RPS6KC1: variants seen among roughly 807,000 people sequenced by gnomAD.
RPS6KC1 encodes inactive ribosomal protein S6 kinase delta-1.
RPS6KC1 carries 54 observed loss-of-function variants against 103.8 expected under a neutral mutation model. The ratio of observed to expected loss-of-function variants is 0.52; its 90% CI spans 0.42 to 0.65. The LOEUF (loss-of-function observed/expected upper bound fraction) is 0.65, where lower values mean the gene tolerates loss of function less well. RPS6KC1 is among the 30% of genes least tolerant of loss of function. RPS6KC1 has a pLI of 0.00. For synonymous variants in RPS6KC1, 439 were observed against 438.7 expected (o/e 1.00, Z -0.01); for missense variants, 1,151 against 1,253.8 (o/e 0.92, Z 1.24).
intron 8 of RPS6KC1, among the ~76,000 whole-genome samples, chr1:213,194,812 A>G (rs576783983): frequency 1.3e-5 from 2 of 152,342 alleles, no homozygotes; most frequent in East Asian, 3.9e-4. Flanking sequence ...CCTGTCCCCA[A>G]GAGAAATTGT....
At chr1:213,376,388 G>A in the RPS6KC1 span, among the ~76,000 whole-genome samples, 1 of 151,784 alleles carries the variant, frequency 6.6e-6, no homozygotes, top group South Asian at 2.1e-4. Context: ...TAGATATTTA[G>A]GTTGTTTCTA....
At chr1:213,097,658 A>C (rs770469722) in intron 3 of RPS6KC1, among the ~76,000 whole-genome samples, 2 of 152,200 alleles carry the variant, frequency 1.3e-5, no homozygotes, top group Non-Finnish European at 2.9e-5. Context: ...GTTGGATAGC[A>C]TTTTCTTCCA....
At chr1:213,662,232 A>G in the RPS6KC1 span, among the ~76,000 whole-genome samples, 1 of 152,062 alleles carries the variant, frequency 6.6e-6, no homozygotes, top group African/African-American at 2.4e-5. Context: ...CTAGAAAAAA[A>G]AAAAATTAGC....
chr1:213,734,569 G>T, the RPS6KC1 span, among the ~76,000 whole-genome samples: 3 of 152,162 alleles, frequency 2.0e-5, no homozygotes, highest in Admixed American at 2.0e-4. Flanking sequence ...CTTTATTAAG[G>T]CTGTGCAGTA....
chr1:213,485,932 A>C, the RPS6KC1 span, among the ~76,000 whole-genome samples: 1 of 152,164 alleles, frequency 6.6e-6, no homozygotes, highest in Non-Finnish European at 1.5e-5. Context: ...GAGCATAGGC[A>C]CTCTGGATAC....
At chr1:213,407,967 T>G in the RPS6KC1 span, among the ~76,000 whole-genome samples, 1 of 152,198 alleles carries the variant, frequency 6.6e-6, no homozygotes, top group East Asian at 1.9e-4. Flanking sequence ...AGATGCTTAA[T>G]AAAAATTTAT....
the RPS6KC1 span, among the ~76,000 whole-genome samples, chr1:213,754,873 A>G: frequency 1.9e-4 from 29 of 152,106 alleles, no homozygotes; most frequent in African/African-American, 7.0e-4. Context: ...TAGCTTAGAA[A>G]CCTGTCTGGC....
At chr1:213,665,809 C>T in the RPS6KC1 span, among the ~76,000 whole-genome samples, 2 of 152,124 alleles carry the variant, frequency 1.3e-5, no homozygotes, top group Non-Finnish European at 2.9e-5. Flanking sequence ...AGAGTTAATT[C>T]ATGGTACTTT....
the RPS6KC1 span, among the ~76,000 whole-genome samples, chr1:213,399,432 G>A: frequency 6.6e-6 from 1 of 152,172 alleles, no homozygotes; most frequent in African/African-American, 2.4e-5. Flanking sequence ...AGCCTTGGCT[G>A]TTGTGCCTTG....
chr1:213,665,016 G>A, the RPS6KC1 span, among the ~76,000 whole-genome samples: 2 of 152,000 alleles, frequency 1.3e-5, no homozygotes, highest in Non-Finnish European at 2.9e-5. Flanking sequence ...ATGAGGTTTT[G>A]GATCATGTAA....
At chr1:213,181,506 T>C (rs963626038) in intron 8 of RPS6KC1, among the ~76,000 whole-genome samples, 1 of 152,238 alleles carries the variant, frequency 6.6e-6, no homozygotes, top group Non-Finnish European at 1.5e-5. Flanking sequence ...TGGAAATTGC[T>C]CAAATTGAGT....
the RPS6KC1 span, among the ~76,000 whole-genome samples, chr1:213,581,312 A>G: frequency 6.6e-6 from 1 of 152,098 alleles, no homozygotes; most frequent in East Asian, 1.9e-4. Context: ...CATTAAAATG[A>G]CATTTTAATG....
chr1:213,820,563 C>T, the RPS6KC1 span: 1 of 152,222 alleles, frequency 6.6e-6, no homozygotes, highest in African/African-American at 2.4e-5. Flanking sequence ...CTCTAGAAAC[C>T]TGCATTTCAC....
intron 8 of RPS6KC1, among the ~76,000 whole-genome samples, chr1:213,211,219 A>C (rs1355446618): frequency 2.0e-5 from 3 of 152,260 alleles, no homozygotes; most frequent in Non-Finnish European, 2.9e-5. Context: ...AAACTAGAAA[A>C]ATAGAATACA....
chr1:213,663,997 A>G, the RPS6KC1 span, among the ~76,000 whole-genome samples: 2 of 152,096 alleles, frequency 1.3e-5, no homozygotes, highest in African/African-American at 2.4e-5. Flanking sequence ...TCTCCTACCA[A>G]ATGAGCTGTG....
intron 8 of RPS6KC1, among the ~76,000 whole-genome samples, chr1:213,223,292 G>C (rs913401481): frequency 6.6e-6 from 1 of 152,078 alleles, no homozygotes; most frequent in African/African-American, 2.4e-5. Context: ...TGATTTCTGA[G>C]ATTTAAGTGC....
At chr1:213,774,235 G>A in the RPS6KC1 span, among the ~76,000 whole-genome samples, 1 of 152,166 alleles carries the variant, frequency 6.6e-6, no homozygotes, top group East Asian at 1.9e-4. Flanking sequence ...GTGGTAAATT[G>A]GTTACAGTGT....
At chr1:213,171,372 A>G (rs2091464327) in intron 7 of RPS6KC1, among the ~76,000 whole-genome samples, 2 of 151,886 alleles carry the variant, frequency 1.3e-5, no homozygotes, top group African/African-American at 4.8e-5. Flanking sequence ...TTTCAAATAA[A>G]TCCTAGACAA....
the RPS6KC1 span, among the ~76,000 whole-genome samples, chr1:213,454,866 AG>A: frequency 6.6e-6 from 1 of 152,230 alleles, no homozygotes; most frequent in Non-Finnish European, 1.5e-5. Context: ...CGGCAGAGCT[AG>A]GTCAACTCTG....
Sources: gnomAD v4.1 joint callset for allele counts (sites outside exome capture counted in the v4.1 genomes callset) on GRCh38, gnomAD v4.1.1 for gene constraint, MANE v1.5 for transcripts, NCBI Gene and HGNC (gene_info 2026-07-23, HGNC 2026-07-21) for gene names.